The following WDR49 variants were observed in gnomAD, a reference collection of about 807,000 sequenced individuals.
WDR49 encodes the protein cilia- and flagella-associated protein 337.
WDR49 carries 107 observed loss-of-function variants against 119.5 expected under a neutral mutation model. The observed-to-expected ratio is 0.90, with a 90% CI of 0.77 to 1.05. The LOEUF is 1.05. Ranked by LOEUF, WDR49 falls within the 50% of genes least tolerant of loss-of-function variation. The pLI is 0.00. For missense variants in WDR49, 1,240 were observed against 1,220.5 expected (o/e 1.02, Z -0.24); for synonymous variants, 425 against 418.8 (o/e 1.01, Z -0.18).
chr3:167,540,851 G>GA (rs879640163), intron 10 of WDR49, among the ~76,000 whole-genome samples: 3 of 151,378 alleles, frequency 2.0e-5, no homozygotes, highest in African/African-American at 4.9e-5. Context: ...ATATCAAAAA[G>GA]AAAAAAACAA....
chr3:167,561,061 T>C (rs1358348379), intron 8 of WDR49, among the ~76,000 whole-genome samples: 2 of 152,240 alleles, frequency 1.3e-5, no homozygotes, highest in Non-Finnish European at 2.9e-5. Flanking sequence ...AATATGTAGA[T>C]TTTAAGGAAG....
intron 16 of WDR49, among the ~76,000 whole-genome samples, chr3:167,509,617 T>C (rs1330103496): frequency 1.3e-5 from 2 of 152,198 alleles, no homozygotes; most frequent in African/African-American, 2.4e-5. Context: ...AGAGCTGATA[T>C]GTCCAGACAG....
At chr3:167,553,693 A>T (rs1363015401) in intron 10 of WDR49, among the ~76,000 whole-genome samples, 1 of 152,122 alleles carries the variant, frequency 6.6e-6, no homozygotes, top group Non-Finnish European at 1.5e-5. Context: ...ATAATGGATC[A>T]TGAATCCTTT....
At chr3:167,647,723 G>T (rs1718188835) in intron 2 of WDR49, among the ~76,000 whole-genome samples, 1 of 152,184 alleles carries the variant, frequency 6.6e-6, no homozygotes, top group South Asian at 2.1e-4. Flanking sequence ...GACTGAGGCT[G>T]CAGAATGCAC....
chr3:167,535,989 A>G (rs1753006780), intron 11 of WDR49, among the ~76,000 whole-genome samples: 1 of 152,158 alleles, frequency 6.6e-6, no homozygotes. Context: ...GCATATAAAG[A>G]CAAATATCAC....
At chr3:167,599,546 T>C (rs1433848323) in intron 7 of WDR49, among the ~76,000 whole-genome samples, 2 of 152,186 alleles carry the variant, frequency 1.3e-5, no homozygotes, top group Admixed American at 1.3e-4. Flanking sequence ...CCTAGAATCA[T>C]GGACCCGCTT....
chr3:167,602,302 T>A (rs79454186), intron 6 of WDR49, 27 bp from the exon 7 acceptor site: 54 of 1,545,384 alleles, frequency 3.5e-5, no homozygotes, highest in Non-Finnish European at 4.5e-5. Context: ...AGAAAAAAAA[T>A]GTTTTTAATA....
intron 18 of WDR49, among the ~76,000 whole-genome samples, chr3:167,492,319 C>G (rs1172540613): frequency 6.6e-6 from 1 of 152,014 alleles, no homozygotes; most frequent in Non-Finnish European, 1.5e-5. Context: ...GATTTGAATA[C>G]TATTTGAACA....
At chr3:167,495,883 G>GAAAAAAAAAAAAAAAA in intron 18 of WDR49, among the ~76,000 whole-genome samples, 32 of 71,218 alleles carry the variant, frequency 4.5e-4, no homozygotes, top group Non-Finnish European at 6.0e-4. Context: ...TTAAAAATTT[G>GAAAAAAAAAAAAAAAA]AAAAAAAAAA....
At chr3:167,486,250 G>T (rs1160358894) in intron 18 of WDR49, among the ~76,000 whole-genome samples, 1 of 151,986 alleles carries the variant, frequency 6.6e-6, no homozygotes, top group Non-Finnish European at 1.5e-5. Flanking sequence ...GTCTCTTAAA[G>T]GCATCCTAAA....
chr3:167,657,464 A>G (rs544293392), upstream of WDR49, among the ~76,000 whole-genome samples: 1 of 152,036 alleles, frequency 6.6e-6, no homozygotes, highest in Non-Finnish European at 1.5e-5. Context: ...TATGCCCACC[A>G]TTGCTCAGAG....
chr3:167,560,255 A>T (rs771870929), intron 8 of WDR49, 27 bp from the exon 9 acceptor site: 7 of 1,596,816 alleles, frequency 4.4e-6, no homozygotes, highest in Non-Finnish European at 6.0e-6. Flanking sequence ...TTTTAAAGAA[A>T]TTAAATATAG....
At chr3:167,538,776 T>C (rs1001112605) in intron 10 of WDR49, among the ~76,000 whole-genome samples, 1 of 152,126 alleles carries the variant, frequency 6.6e-6, no homozygotes, top group Non-Finnish European at 1.5e-5. Flanking sequence ...GAAGGCTGAG[T>C]TGAACACTGA....
At chr3:167,491,209 G>A (rs949898684) in intron 18 of WDR49, among the ~76,000 whole-genome samples, 2 of 152,014 alleles carry the variant, frequency 1.3e-5, no homozygotes, top group African/African-American at 2.4e-5. Context: ...TGCCCCACCC[G>A]GGAGCTTTAG....
intron 18 of WDR49, among the ~76,000 whole-genome samples, chr3:167,496,543 A>G (rs532107281): frequency 6.6e-6 from 1 of 151,972 alleles, no homozygotes; most frequent in East Asian, 1.9e-4. Context: ...CTGAAAAGTC[A>G]TCTCTGAATT....
intron 7 of WDR49, among the ~76,000 whole-genome samples, chr3:167,582,957 CACACACACACAT>C (rs989751247): frequency 6.7e-6 from 1 of 150,026 alleles, no homozygotes; most frequent in Non-Finnish European, 1.5e-5. Flanking sequence ...CAAACACACA[CACACACACACAT>C]ACACACACAC....
intron 7 of WDR49, among the ~76,000 whole-genome samples, chr3:167,585,836 T>A (rs1305872397): frequency 2.0e-5 from 3 of 152,096 alleles, no homozygotes; most frequent in African/African-American, 7.2e-5. Context: ...TGATAGTTAT[T>A]CCTTGGGAAA....
At chr3:167,579,961 C>T (rs895027396) in intron 7 of WDR49, among the ~76,000 whole-genome samples, 3 of 151,988 alleles carry the variant, frequency 2.0e-5, no homozygotes, top group Admixed American at 6.6e-5. Context: ...ACAATAACTC[C>T]ACAGTACTGA....
At chr3:167,618,886 C>T (rs775317267) in intron 5 of WDR49, among the ~76,000 whole-genome samples, 5 of 152,122 alleles carry the variant, frequency 3.3e-5, no homozygotes, top group Non-Finnish European at 5.9e-5. Flanking sequence ...GAGACAAATG[C>T]TCACTGATAG....
Sources: gnomAD v4.1 joint callset for allele counts (sites outside exome capture counted in the v4.1 genomes callset) on GRCh38, gnomAD v4.1.1 for gene constraint, MANE v1.5 for transcripts, NCBI Gene and HGNC (gene_info 2026-07-23, HGNC 2026-07-21) for gene names.